Variants in MED13 observed in about 807,000 individuals in gnomAD.
The protein encoded by MED13 is mediator of RNA polymerase II transcription subunit 13.
In MED13, 23 loss-of-function variants were observed where a neutral mutation model predicts 225.2. That is an observed-to-expected ratio of 0.10 (90% CI 0.07 to 0.14). MED13 has a LOEUF of 0.14. Among genes scored for constraint, MED13 ranks in the 10% least tolerant of loss-of-function variants. MED13 has a pLI of 1.00. For missense variants in MED13, 2,197 were observed against 2,594.5 expected (o/e 0.85, Z 3.33); for synonymous variants, 942 against 889.2 (o/e 1.06, Z -1.06).
chr17:62,014,372 A>G (rs975277578), intron 8 of MED13, among the ~76,000 whole-genome samples: 1 of 151,194 alleles, frequency 6.6e-6, no homozygotes, highest in Admixed American at 6.6e-5. Flanking sequence ...GCTGGAGTGC[A>G]GTGGCACGAT....
At chr17:61,966,175 C>A (rs548219274) in intron 19 of MED13, among the ~76,000 whole-genome samples, 1 of 152,170 alleles carries the variant, frequency 6.6e-6, no homozygotes, top group Non-Finnish European at 1.5e-5. Context: ...ACAGAGGCAA[C>A]AGAAAATTTA....
chr17:62,041,635 G>T (rs2080853721), intron 3 of MED13, among the ~76,000 whole-genome samples: 1 of 152,008 alleles, frequency 6.6e-6, no homozygotes. Flanking sequence ...GGAGTGCAGT[G>T]GCATGATCAG....
intron 15 of MED13, among the ~76,000 whole-genome samples, chr17:61,983,669 C>T (rs914714212): frequency 9.9e-5 from 15 of 151,060 alleles, no homozygotes; most frequent in Admixed American, 6.6e-5. Context: ...AAAGGTGCTT[C>T]GGAATACAAA....
intron 9 of MED13, among the ~76,000 whole-genome samples, chr17:62,000,747 T>G (rs986472420): frequency 1.3e-5 from 2 of 152,158 alleles, no homozygotes; most frequent in African/African-American, 4.8e-5. Context: ...ATAAGGTGTA[T>G]CAATAGTTTT....
At chr17:62,015,551 C>A (rs1401300632) in intron 8 of MED13, among the ~76,000 whole-genome samples, 9 of 151,734 alleles carry the variant, frequency 5.9e-5, no homozygotes, top group Non-Finnish European at 1.3e-4. Context: ...ATTTTATATT[C>A]TTGTGTACTG....
intron 9 of MED13, among the ~76,000 whole-genome samples, chr17:62,000,445 T>TGTACTCACTCAA (rs2080384484): frequency 6.6e-6 from 1 of 152,208 alleles, no homozygotes; most frequent in Non-Finnish European, 1.5e-5. Flanking sequence ...TTCACATGTT[T>TGTACTCACTCAA]ACGATGTACT....
intron 9 of MED13, among the ~76,000 whole-genome samples, chr17:61,995,850 T>C (rs920838883): frequency 6.6e-6 from 1 of 152,238 alleles, no homozygotes; most frequent in Non-Finnish European, 1.5e-5. Flanking sequence ...TTTTAAATTT[T>C]TGAAGGCCTG....
At chr17:61,957,903 C>A (rs1293103649) in intron 23 of MED13, among the ~76,000 whole-genome samples, 2 of 152,176 alleles carry the variant, frequency 1.3e-5, no homozygotes, top group Non-Finnish European at 2.9e-5. Context: ...CTCACTCTGT[C>A]ACTCAGGCTG....
intron 3 of MED13, among the ~76,000 whole-genome samples, chr17:62,049,800 G>T (rs1037196241): frequency 6.6e-6 from 1 of 151,620 alleles, no homozygotes; most frequent in African/African-American, 2.4e-5. Context: ...CGTGGTGGCG[G>T]GCACCTGTAG....
rs193026722 is a variant in MED13 at position 62,012,526 on chromosome 17, T to C, written c.1284-1293A>G. On this transcript the variant is annotated intron_variant, in intron 8 of 29. Coordinates refer to ENST00000397786, the MANE Select transcript of MED13 (RefSeq NM_005121.3). ...TGCATTTTTAGTAGAGACGGGGTTTTTCCATGTTGGTCAGGCTGGTCCTGA... is the reference window on the plus strand; with the variant it reads ...TGCATTTTTAGTAGAGACGGGGTTTCTCCATGTTGGTCAGGCTGGTCCTGA... Among the ~76,000 whole-genome samples, 38 of 151,068 alleles carry C rather than the reference T, an allele frequency of 2.5e-4. No individual in the cohort carries two copies. In the Middle Eastern group the frequency reaches 0.014, roughly 56 times the overall value.
At chr17:62,062,592 CA>C (rs1278740194) in intron 2 of MED13, among the ~76,000 whole-genome samples, 5 of 56,966 alleles carry the variant, frequency 8.8e-5, no homozygotes, top group Non-Finnish European at 1.5e-4. Context: ...CACACACACA[CA>C]CACACACCAC....
intron 17 of MED13, among the ~76,000 whole-genome samples, chr17:61,970,574 C>T (rs182505794): frequency 1.4e-5 from 2 of 147,410 alleles, no homozygotes; most frequent in Admixed American, 7.0e-5. Flanking sequence ...CCCAGCTACT[C>T]GTGAGGCTGA....
At chr17:62,026,783 T>C (rs780466626) in intron 8 of MED13, among the ~76,000 whole-genome samples, 5 of 152,096 alleles carry the variant, frequency 3.3e-5, no homozygotes, top group African/African-American at 4.8e-5. Flanking sequence ...AGCATCCCTA[T>C]ATACCAACAA....
At chr17:62,025,900 G>A (rs946967608) in intron 8 of MED13, among the ~76,000 whole-genome samples, 7 of 152,218 alleles carry the variant, frequency 4.6e-5, no homozygotes, top group South Asian at 2.1e-4. Flanking sequence ...TAAAAATTAC[G>A]TATTCTTTAA....
intron 3 of MED13, among the ~76,000 whole-genome samples, chr17:62,048,430 A>AAAAGAAAGC (rs1568001399): frequency 6.6e-6 from 1 of 151,348 alleles, no homozygotes. Context: ...AAAGGAAAGA[A>AAAAGAAAGC]AAAGAAAGCA....
intron 27 of MED13, among the ~76,000 whole-genome samples, chr17:61,951,565 A>G (rs960053513): frequency 1.8e-4 from 28 of 152,342 alleles, no homozygotes; most frequent in East Asian, 9.6e-4. Flanking sequence ...ATCATTATCT[A>G]TAACAAAAAA....
chr17:61,955,933 A>T lies in MED13; in HGVS notation c.5624-95T>A, dbSNP rs1005735900. Reference sequence around the variant, plus strand: ...TGTAGAACCAAGTTAAAGTTAAAATATAAAAATAGTTAATGGCTTTTAAAT... The same window carrying T: ...TGTAGAACCAAGTTAAAGTTAAAATTTAAAAATAGTTAATGGCTTTTAAAT... On this transcript the variant is annotated intron_variant, in intron 24 of 29. Coordinates refer to ENST00000397786, the MANE Select transcript of MED13 (RefSeq NM_005121.3). 22 of 1,378,448 alleles carry T rather than the reference A, an allele frequency of 1.6e-5. No homozygotes were observed. The African/African-American group carries it at 3.0e-4, about 19-fold the overall frequency. The allele number at this position is 1,378,448 out of a possible 1,614,324, so 85.4% of individuals were successfully genotyped here.
At chr17:61,991,938 G>A (rs2080303191) in intron 11 of MED13, among the ~76,000 whole-genome samples, 1 of 152,188 alleles carries the variant, frequency 6.6e-6, no homozygotes. Flanking sequence ...GAGCCACGGT[G>A]CCCAGATCCA....
In MED13 at chr17:61,999,180, A is replaced by C. The variant is rs534110581; in HGVS notation, c.1968-3815T>G. On this transcript the variant is annotated intron_variant, in intron 9 of 29. Coordinates refer to ENST00000397786, the MANE Select transcript of MED13 (RefSeq NM_005121.3). Reference sequence around the variant, plus strand: ...ATGTATTCTACAACTATATACATACAAATCTGGTATACCACTAACACAACA... The same window carrying C: ...ATGTATTCTACAACTATATACATACCAATCTGGTATACCACTAACACAACA... Among the ~76,000 whole-genome samples the C allele has an allele frequency of 8.5e-5, 13 of 152,274 alleles. No individual in the cohort carries two copies. In the East Asian group the frequency reaches 2.1e-3, roughly 25 times the overall value.
Sources: allele counts gnomAD v4.1 joint callset (sites outside exome capture counted in the v4.1 genomes callset), GRCh38; gene constraint gnomAD v4.1.1; transcripts MANE v1.5; gene names NCBI Gene and HGNC (gene_info 2026-07-23, HGNC 2026-07-21).